PRICKLE2: variants seen among roughly 807,000 people sequenced by gnomAD.
PRICKLE2 encodes prickle-like protein 2.
Under a neutral mutation model 81.4 loss-of-function variants are expected in PRICKLE2, and 21 were observed. The ratio of observed to expected loss-of-function variants is 0.26; its 90% CI spans 0.18 to 0.37. The LOEUF (loss-of-function observed/expected upper bound fraction) is 0.37. Among genes scored for constraint, PRICKLE2 ranks in the 10% least tolerant of loss-of-function variants. The pLI is 1.00. For synonymous variants in PRICKLE2, 456 were observed against 421.5 expected (o/e 1.08, Z -1.00); for missense variants, 940 against 1,109.0 (o/e 0.85, Z 2.16).
In PRICKLE2 at chr3:64,097,850, C is replaced by A. The variant is rs181300184; in HGVS notation, c.*1201G>T. On this transcript the variant is annotated 3_prime_UTR_variant, in exon 8 of 8. Coordinates refer to ENST00000638394, the MANE Select transcript of PRICKLE2 (RefSeq NM_198859.4). ...CTTTTCCCTGACCTGCCTTCAGATT[C>A]TCCTTTAACTTCTACCCTTGACCTG... 6.5e-6 allele frequency: 1 copy of A among 152,824 alleles called. No homozygotes were observed. Among genetic ancestry groups the A allele is most frequent in the East Asian group, 1.9e-4 (1 of 5,174 alleles). The allele number at this position is 152,824 out of a possible 1,614,324, so 9.5% of individuals were successfully genotyped here.
intron 7 of PRICKLE2, among the ~76,000 whole-genome samples, chr3:64,125,034 C>T (rs1008287616): frequency 5.9e-5 from 9 of 152,188 alleles, no homozygotes; most frequent in Non-Finnish European, 8.8e-5. Context: ...TAAGAACACT[C>T]GTGATTCATG....
upstream of PRICKLE2, among the ~76,000 whole-genome samples, chr3:64,229,168 T>G (rs1259088687): frequency 2.0e-5 from 3 of 152,132 alleles, no homozygotes; most frequent in Admixed American, 2.0e-4. Context: ...GACATCTGCA[T>G]GGACACAAGA....
chr3:64,204,791 A>T (rs553495252), intron 1 of PRICKLE2, among the ~76,000 whole-genome samples: 1 of 152,266 alleles, frequency 6.6e-6, no homozygotes, highest in South Asian at 2.1e-4. Flanking sequence ...CCTTTGAGTG[A>T]TTCCATGACA....
rs145889663 is a variant in PRICKLE2, at chr3:64,124,458, C to T, written c.1660+22372G>A. On this transcript the variant is annotated intron_variant, in intron 7 of 7. Transcript: ENST00000638394. Reference sequence around the variant, plus strand: ...TCAATGTAGGTGAAACAGTCTTCAACAGAGAAGATACCATCTAGTACCTTA... The same window carrying T: ...TCAATGTAGGTGAAACAGTCTTCAATAGAGAAGATACCATCTAGTACCTTA... 9.5e-4 allele frequency among the ~76,000 whole-genome samples: 145 copies of T among 152,270 alleles called. 2 individuals carry two copies. In the East Asian group the frequency reaches 0.024, roughly 25 times the overall value.
At chr3:64,195,060 A>T (rs2078424389) in intron 2 of PRICKLE2, among the ~76,000 whole-genome samples, 1 of 152,100 alleles carries the variant, frequency 6.6e-6, no homozygotes. Context: ...AAAAATAAAC[A>T]AAAAAGTAAA....
At chr3:64,185,328 T>C (rs2078208069) in intron 2 of PRICKLE2, among the ~76,000 whole-genome samples, 1 of 152,146 alleles carries the variant, frequency 6.6e-6, no homozygotes, top group African/African-American at 2.4e-5. Flanking sequence ...TATCTTTCAG[T>C]AAGTTAGGAA....
At chr3:64,166,173 T>C (rs1428344131) in intron 2 of PRICKLE2, among the ~76,000 whole-genome samples, 1 of 152,160 alleles carries the variant, frequency 6.6e-6, no homozygotes, top group Non-Finnish European at 1.5e-5. Context: ...CAGATCTGCT[T>C]CTCACCTTCT....
At chr3:64,232,048 C>G (rs1332440125) in intron 2 of PRICKLE2, among the ~76,000 whole-genome samples, 1 of 152,220 alleles carries the variant, frequency 6.6e-6, no homozygotes, top group Non-Finnish European at 1.5e-5. Context: ...GTTCCCTGTG[C>G]CATCAGATTA....
chr3:64,108,453 G>A (rs1371764875), intron 7 of PRICKLE2, among the ~76,000 whole-genome samples: 1 of 152,094 alleles, frequency 6.6e-6, no homozygotes, highest in East Asian at 1.9e-4. Flanking sequence ...GGGCAGTGGA[G>A]CTTAAACGCC....
chr3:64,162,974 G>A, intron 3 of PRICKLE2, 42 bp downstream of exon 3: 1 of 1,154,898 alleles, frequency 8.7e-7, no homozygotes, highest in Non-Finnish European at 1.3e-6. Context: ...ATTCATAGAA[G>A]GCACTAAGAA....
At chr3:64,153,537 C>T (rs954252138) in intron 5 of PRICKLE2, 169 bp from the exon 6 acceptor site, 7 of 629,182 alleles carry the variant, frequency 1.1e-5, no homozygotes, top group African/African-American at 1.1e-4. Context: ...TATATCAGTT[C>T]CTATACATGG....
chr3:64,259,447 G>A (rs140200343), intron 2 of PRICKLE2, among the ~76,000 whole-genome samples: 16 of 152,302 alleles, frequency 1.1e-4, no homozygotes, highest in East Asian at 5.8e-4. Flanking sequence ...TCCTGGGACC[G>A]AGGAGCTCGT....
intron 7 of PRICKLE2, among the ~76,000 whole-genome samples, chr3:64,108,698 A>G (rs544609676): frequency 6.6e-6 from 1 of 152,306 alleles, no homozygotes; most frequent in South Asian, 2.1e-4. Flanking sequence ...TCTCATGTTC[A>G]TGAGAGTTAG....
rs1184837910 is a variant in PRICKLE2, at chr3:64,099,477, G to A, written c.2109C>T (p.Ser703=). Residue 703 remains serine (S), a synonymous_variant, in exon 8 of 8, where the codon AGC becomes AGT. Transcript: ENST00000638394. The surrounding 1 kb of genome is among the most constrained non-coding windows in gnomAD (Gnocchi z 4.3). The part of the protein sequence containing the change: ...SRSDNALHLA[S]EREAISRLKD... ...TTAACCGGGAGATGGCCTCGCGTTC[G>A]CTGGCCAGGTGGAGGGCGTTGTCGG... The A allele has an allele frequency of 1.9e-6, 3 of 1,585,302 alleles. No homozygotes were observed. The highest frequency in any genetic ancestry group is 1.1e-5 in the South Asian group (1 of 88,140).
At chr3:64,229,647 T>A (rs184765080), upstream of PRICKLE2, among the ~76,000 whole-genome samples, 2 of 152,212 alleles carry the variant, frequency 1.3e-5, no homozygotes, top group African/African-American at 4.8e-5. Context: ...TTTAGATTAC[T>A]ACCTTCTGGC....
intron 7 of PRICKLE2, among the ~76,000 whole-genome samples, chr3:64,121,906 T>G (rs1297604774): frequency 6.6e-6 from 1 of 152,188 alleles, no homozygotes; most frequent in East Asian, 1.9e-4. Context: ...AATAAATCAC[T>G]TCTCTCCTCT....
chr3:64,189,819 T>A (rs1044009173), intron 2 of PRICKLE2, among the ~76,000 whole-genome samples: 3 of 152,190 alleles, frequency 2.0e-5, no homozygotes, highest in Non-Finnish European at 4.4e-5. Context: ...AGCTATGAAT[T>A]TAACATATGG....
At chr3:64,224,436 T>C (rs2079002140) in intron 1 of PRICKLE2, among the ~76,000 whole-genome samples, 1 of 152,180 alleles carries the variant, frequency 6.6e-6, no homozygotes, top group Non-Finnish European at 1.5e-5. Context: ...ATTTCTAATC[T>C]GAAAGCAGTG....
intron 7 of PRICKLE2, chr3:64,104,538 T>C (rs2076723863): frequency 6.6e-6 from 1 of 152,246 alleles, no homozygotes; most frequent in Non-Finnish European, 1.5e-5. Flanking sequence ...CAGATTCCTA[T>C]TTCCGTGAGG....
Sources: allele counts gnomAD v4.1 joint callset (sites outside exome capture counted in the v4.1 genomes callset), GRCh38; gene constraint gnomAD v4.1.1; non-coding constraint Gnocchi (gnomAD v3.1); transcripts MANE v1.5; gene names NCBI Gene and HGNC (gene_info 2026-07-23, HGNC 2026-07-21).